The following RAE1 variants were observed in gnomAD, a reference collection of about 807,000 sequenced individuals.
The protein encoded by RAE1 is ribonucleic acid export 1.
In RAE1, 13 loss-of-function variants were observed where a neutral mutation model predicts 52.7. That is an observed-to-expected ratio of 0.25 (90% CI 0.16 to 0.39). RAE1 has a LOEUF of 0.39. Ranked by LOEUF, RAE1 falls within the 10% of genes least tolerant of loss-of-function variation. The probability of loss-of-function intolerance (pLI) is 1.00; values close to 1 mark genes in which losing one functional copy is unlikely to be tolerated. For missense variants in RAE1, 262 were observed against 459.8 expected, an observed-to-expected ratio of 0.57 and a Z score of 3.93; for synonymous variants, 164 against 153.1, an observed-to-expected ratio of 1.07 and a Z score of -0.52.
At chr20:57,375,135 G>A (rs2067094243) in intron 11 of RAE1, 2 of 637,430 alleles carry the variant, frequency 3.1e-6, no homozygotes, top group Non-Finnish European at 5.7e-6. Context: ...TCGCCTGGGT[G>A]CTGTTGGTTG....
At chr20:57,361,475 G>A (rs143817012) in intron 4 of RAE1, among the ~76,000 whole-genome samples, 218 of 152,324 alleles carry the variant, frequency 1.4e-3, no homozygotes, top group African/African-American at 5.0e-3. Flanking sequence ...TGTTTACCTA[G>A]GTTGATGGTA....
intron 11 of RAE1, among the ~76,000 whole-genome samples, chr20:57,375,842 C>G (rs2067106623): frequency 6.6e-6 from 1 of 152,210 alleles, no homozygotes; most frequent in African/African-American, 2.4e-5. Context: ...CCATACAGCT[C>G]TCCTCCCTGC....
rs2066994078 is a variant in RAE1 at position 57,368,831 on chromosome 20, C to T, written c.642+19C>T. The T allele has an allele frequency of 3.2e-6, 5 of 1,577,280 alleles. No individual in the cohort carries two copies. The highest frequency in any genetic ancestry group is 3.3e-4 in the Middle Eastern group (2 of 6,008). On this transcript the variant is annotated intron_variant, in intron 8 of 11. Transcript: ENST00000395841. ...ACATCAGGTGCGTCATTAGTCAAAT[C>T]AAGAAGTATGTATTTAGCACCTGTT...
At chr20:57,364,166 T>C (rs2066924561) in intron 4 of RAE1, among the ~76,000 whole-genome samples, 1 of 152,248 alleles carries the variant, frequency 6.6e-6, no homozygotes, top group Non-Finnish European at 1.5e-5. Flanking sequence ...GAATCTTCAG[T>C]ACTTTAAGGA....
intron 4 of RAE1, among the ~76,000 whole-genome samples, chr20:57,356,774 T>C (rs2066794247): frequency 6.6e-6 from 1 of 152,184 alleles, no homozygotes; most frequent in Non-Finnish European, 1.5e-5. Context: ...GTTTAATGAT[T>C]AAGGGATAAT....
rs1312726742 is a variant in RAE1 at position 57,374,621 on chromosome 20, G to A, written c.840G>A (p.Ala280=). 6.2e-6 allele frequency: 10 copies of A among 1,613,316 alleles called. No homozygotes were observed. Among genetic ancestry groups the A allele is most frequent in the Non-Finnish European group, 8.5e-6 (10 of 1,179,552 alleles). Residue 280 remains alanine (A), a synonymous_variant, in exon 11 of 12, where the codon GCG becomes GCA. Coordinates refer to ENST00000395841, the MANE Select transcript of RAE1 (RefSeq NM_003610.4). The part of the protein sequence containing the change: ...PQDIYAVNGI[A]FHPVHGTLAT... ...AATCCTTGCAGGTAAATGGAATCGC[G>A]TTCCATCCTGTTCATGGCACCCTTG...
chr20:57,368,076 A>G (rs1428550095), intron 7 of RAE1, among the ~76,000 whole-genome samples: 2 of 152,088 alleles, frequency 1.3e-5, no homozygotes, highest in East Asian at 3.9e-4. Flanking sequence ...TTTAGTAGAG[A>G]CGGGGTTTCA....
Position 57,371,667 on chromosome 20 carries a change from C to T in RAE1, c.643-1808C>T, listed in dbSNP as rs141462875. On this transcript the variant is annotated intron_variant, in intron 8 of 11. Coordinates refer to ENST00000395841, the MANE Select transcript of RAE1 (RefSeq NM_003610.4). ...ACTGGAGGCCTCAAAACATGAAAAA[C>T]AGAATCACCATACGATCTAGCAGTT... 7 of 152,276 alleles carry T rather than the reference C, an allele frequency of 4.6e-5. No individual in the cohort carries two copies. In the East Asian group the frequency reaches 1.3e-3, roughly 29 times the overall value. 9.4% of individuals were successfully genotyped at this position (152,276 alleles called of 1,614,324 possible).
intron 1 of RAE1, 151 bp downstream of exon 1, chr20:57,351,573 C>T (rs1035161236): frequency 3.0e-6 from 3 of 985,344 alleles, no homozygotes; most frequent in Non-Finnish European, 3.6e-6. Context: ...GAAGCGAGGT[C>T]AGAGCTGGAA....
chr20:57,354,677 G>A lies in RAE1; in HGVS notation c.91-35G>A, dbSNP rs74384213. 5.7e-5 allele frequency: 83 copies of A among 1,446,420 alleles called. No homozygotes were observed. In the African/African-American group the frequency reaches 8.1e-4, roughly 14 times the overall value. 89.6% of individuals were successfully genotyped at this position (1,446,420 alleles called of 1,614,324 possible). A position where few individuals can be genotyped will look rare whatever the true frequency, so the allele number is the denominator to read the frequency against. ...AACAATTTGGAATGAAGTTGTGAGCGTGCATACATTTTAACATTGACTTTT... is the reference window on the plus strand; with the variant it reads ...AACAATTTGGAATGAAGTTGTGAGCATGCATACATTTTAACATTGACTTTT... On this transcript the variant is annotated intron_variant, in intron 2 of 11. Transcript: ENST00000395841.
chr20:57,366,854 C>T lies in RAE1; in HGVS notation c.423C>T (p.Tyr141=), dbSNP rs894951817. 5 of 1,613,882 alleles carry T rather than the reference C, an allele frequency of 3.1e-6. No homozygotes were observed. In the South Asian group the frequency reaches 5.5e-5, roughly 18 times the overall value. ...KTIHWIKAPN[Y]SCVMTGSWDK... ...TCCATTGGATCAAAGCTCCAAACTACAGCTGTGTGATGACTGGGAGCTGGG... is the reference window on the plus strand; with the variant it reads ...TCCATTGGATCAAAGCTCCAAACTATAGCTGTGTGATGACTGGGAGCTGGG... Residue 141 remains tyrosine, a synonymous_variant, in exon 6 of 12, where the codon TAC becomes TAT. Transcript: ENST00000395841.
intron 4 of RAE1, among the ~76,000 whole-genome samples, chr20:57,360,590 C>T (rs1436509065): frequency 6.6e-6 from 1 of 152,130 alleles, no homozygotes; most frequent in East Asian, 1.9e-4. Flanking sequence ...GGTATCTAAT[C>T]CCAGTTCTTG....
chr20:57,358,898 A>G (rs6099577), intron 4 of RAE1: 33,940 of 1,268,328 alleles, frequency 0.027, 648 homozygotes, highest in African/African-American at 0.089. Flanking sequence ...TAGGGCCTGT[A>G]GGCTTGTTGG....
chr20:57,373,387 AAC>A, intron 8 of RAE1, 86 bp from the exon 9 acceptor site: 1 of 1,322,348 alleles, frequency 7.6e-7, no homozygotes. Flanking sequence ...CTAAAACCTA[AAC>A]ATGGGGTAAA....
intron 4 of RAE1, among the ~76,000 whole-genome samples, chr20:57,361,895 A>G (rs1036146753): frequency 1.3e-5 from 2 of 152,224 alleles, no homozygotes; most frequent in African/African-American, 4.8e-5. Flanking sequence ...GTTAGGAACT[A>G]AGCTGCACAG....
intron 3 of RAE1, among the ~76,000 whole-genome samples, chr20:57,355,277 C>G (rs531058336): frequency 6.6e-6 from 1 of 152,148 alleles, no homozygotes; most frequent in Admixed American, 6.5e-5. Context: ...AAAGAAAACT[C>G]TGGTAGAAAA....
At chr20:57,362,151 G>GGT (rs964742178) in intron 4 of RAE1, among the ~76,000 whole-genome samples, 43 of 152,172 alleles carry the variant, frequency 2.8e-4, no homozygotes, top group African/African-American at 9.7e-4. Flanking sequence ...ACTGGTCCCT[G>GGT]GTGCCACAAA....
chr20:57,377,727 C>T (rs935553023), intron 11 of RAE1, among the ~76,000 whole-genome samples: 4 of 152,134 alleles, frequency 2.6e-5, no homozygotes, highest in Non-Finnish European at 5.9e-5. Context: ...GCGTTAAAGT[C>T]CTGGGGTGTT....
intron 11 of RAE1, chr20:57,375,078 G>A (rs536981841): frequency 3.7e-5 from 26 of 693,598 alleles, no homozygotes; most frequent in Non-Finnish European, 5.3e-5. Context: ...CAGGCAAGCC[G>A]GGGGCTGCAC....
Sources: allele counts gnomAD v4.1 joint callset (sites outside exome capture counted in the v4.1 genomes callset), GRCh38; gene constraint gnomAD v4.1.1; transcripts MANE v1.5; gene names NCBI Gene and HGNC (gene_info 2026-07-23, HGNC 2026-07-21).